Variants in TWIST2 observed in about 807,000 individuals in gnomAD.
TWIST2 encodes twist family bHLH transcription factor 2, also known as twist-related protein 2.
In TWIST2, 1 loss-of-function variant was observed where a neutral mutation model predicts 11.6. The observed-to-expected ratio is 0.09, with a 90% CI of 0.03 to 0.41. The LOEUF is 0.41. Ranked by LOEUF, TWIST2 falls within the 10% of genes least tolerant of loss-of-function variation. TWIST2 has a pLI of 0.98. For missense variants in TWIST2, 168 were observed against 226.4 expected (o/e 0.74, Z 1.66); for synonymous variants, 87 against 96.6 (o/e 0.90, Z 0.58).
In TWIST2 at chr2:238,863,991, A is replaced by G. The variant is rs1044119399; in HGVS notation, c.*35+15258A>G. Among the ~76,000 whole-genome samples, 1 of 152,116 alleles carries G rather than the reference A, an allele frequency of 6.6e-6. No individual in the cohort carries two copies. Among genetic ancestry groups the G allele is most frequent in the African/African-American group, 2.4e-5 (1 of 41,406 alleles). On this transcript the variant is annotated intron_variant, in intron 1 of 1. Transcript: ENST00000612363. This position sits in a 1 kb window ranked among gnomAD's most constrained non-coding sequence, Gnocchi z 4.7. ...GCACCTCCCCAGAGGCTGGAGACCA[A>G]CCAGGCACAGAATCTCTCATTTCCT...
At chr2:238,890,176 G>C (rs62191085) in intron 1 of TWIST2, among the ~76,000 whole-genome samples, 14,791 of 152,092 alleles carry the variant, frequency 0.097, 1,229 homozygotes, top group East Asian at 0.22. Flanking sequence ...TGGTCAGGGA[G>C]GTGGCAGCAC....
intron 1 of TWIST2, among the ~76,000 whole-genome samples, chr2:238,858,440 C>T (rs991509019): frequency 2.0e-5 from 3 of 152,166 alleles, no homozygotes; most frequent in African/African-American, 7.2e-5. Flanking sequence ...TAGGCAGAAA[C>T]CAAAGGCTGT....
intron 1 of TWIST2, among the ~76,000 whole-genome samples, chr2:238,893,946 G>A (rs1037375567): frequency 6.6e-6 from 1 of 152,030 alleles, no homozygotes. Context: ...CCTGGTGTCA[G>A]TTCTCCCCGG....
At chr2:238,849,184 G>A (rs1368768689) in intron 1 of TWIST2, among the ~76,000 whole-genome samples, 4 of 152,190 alleles carry the variant, frequency 2.6e-5, no homozygotes, top group Non-Finnish European at 4.4e-5. Context: ...GTTGCCGGGC[G>A]AATGGCTTCG....
chr2:238,897,360 C>G (rs989831371), intron 1 of TWIST2, among the ~76,000 whole-genome samples: 2,222 of 152,180 alleles, frequency 0.015, 21 homozygotes, highest in Non-Finnish European at 0.024. Flanking sequence ...GGGGGAGCCA[C>G]GGAGTTTGGC....
intron 1 of TWIST2, among the ~76,000 whole-genome samples, chr2:238,897,410 T>G (rs1693219412): frequency 6.6e-6 from 1 of 152,050 alleles, no homozygotes; most frequent in Non-Finnish European, 1.5e-5. Context: ...CACCTGCCTT[T>G]TTACCAAGTG....
chr2:238,905,930 TGCGCGTGTGTGTGCGC>T (rs1406034948), intron 1 of TWIST2, among the ~76,000 whole-genome samples: 16 of 140,372 alleles, frequency 1.1e-4, no homozygotes, highest in East Asian at 2.0e-4. Flanking sequence ...GGTGTGCGTG[TGCGCGTGTGTGTGCGC>T]GCGCGTGTGT....
chr2:238,873,443 G>T (rs1692746095), intron 1 of TWIST2, among the ~76,000 whole-genome samples: 1 of 152,192 alleles, frequency 6.6e-6, no homozygotes, highest in Admixed American at 6.5e-5. Context: ...GAGGGGTCCT[G>T]CCCAGGTTGA....
chr2:238,891,593 G>A (rs1041401765), intron 1 of TWIST2, among the ~76,000 whole-genome samples: 13 of 152,192 alleles, frequency 8.5e-5, no homozygotes, highest in African/African-American at 3.1e-4. Flanking sequence ...TAGGAGGCAT[G>A]TGAACAGGGG....
chr2:238,880,512 ATTAGTGTG>A (rs1692898192), intron 1 of TWIST2, among the ~76,000 whole-genome samples: 1 of 91,544 alleles, frequency 1.1e-5, no homozygotes, highest in African/African-American at 4.2e-5. Context: ...CAGCATTAGT[ATTAGTGTG>A]TTAGTATTGG....
In TWIST2 at chr2:238,864,958, C is replaced by T. The variant is rs1329770575; in HGVS notation, c.*35+16225C>T. On this transcript the variant is annotated intron_variant, in intron 1 of 1. Coordinates refer to ENST00000612363, the MANE Select transcript of TWIST2 (RefSeq NM_001271893.4). This position sits in a 1 kb window ranked among gnomAD's most constrained non-coding sequence, Gnocchi z 4.7. ...TGGAGGATGCATCTACTGCCAGGCTCGGTGGGCCTGGCCACCCGAGGGGCC... is the reference window on the plus strand; with the variant it reads ...TGGAGGATGCATCTACTGCCAGGCTTGGTGGGCCTGGCCACCCGAGGGGCC... Among the ~76,000 whole-genome samples the T allele has an allele frequency of 2.0e-5, 3 of 152,088 alleles. No individual in the cohort carries two copies. Among genetic ancestry groups the T allele is most frequent in the East Asian group, 3.9e-4 (2 of 5,162 alleles).
chr2:238,909,585 C>T (rs1269175309), intron 1 of TWIST2, among the ~76,000 whole-genome samples: 2 of 152,030 alleles, frequency 1.3e-5, no homozygotes, highest in Non-Finnish European at 2.9e-5. Context: ...AAAGGGCACT[C>T]GGGGGCAGGA....
At chr2:238,889,926 C>T (rs34004022) in intron 1 of TWIST2, among the ~76,000 whole-genome samples, 21,918 of 152,158 alleles carry the variant, frequency 0.14, 2,108 homozygotes, top group Non-Finnish European at 0.21. Flanking sequence ...CGAGGGTGCC[C>T]GGCTGGCTGG....
intron 1 of TWIST2, among the ~76,000 whole-genome samples, chr2:238,879,000 C>T (rs1332990308): frequency 1.3e-5 from 2 of 152,134 alleles, no homozygotes; most frequent in African/African-American, 2.4e-5. Context: ...AAAAGTGAGA[C>T]CATAGTTTAA....
In TWIST2 at chr2:238,862,313, A is replaced by G. The variant is rs1692449920; in HGVS notation, c.*35+13580A>G. The stretch of plus-strand genomic sequence containing the variant: ...AATCAAAAATTTTAGAAGAACCAGG[A>G]AGAAAATATTTACAATCTGTTTTGC... On this transcript the variant is annotated intron_variant, in intron 1 of 1. Coordinates refer to ENST00000612363, the MANE Select transcript of TWIST2 (RefSeq NM_001271893.4). Among the ~76,000 whole-genome samples the G allele has an allele frequency of 1.3e-5, 2 of 152,234 alleles. 1 individual carries two copies. The highest frequency in any genetic ancestry group is 4.1e-4 in the South Asian group (2 of 4,830).
intron 1 of TWIST2, among the ~76,000 whole-genome samples, chr2:238,900,209 C>T (rs1693252832): frequency 6.6e-6 from 1 of 152,134 alleles, no homozygotes; most frequent in Non-Finnish European, 1.5e-5. Flanking sequence ...AGTTTGGTAA[C>T]TTGGACAGCA....
chr2:238,872,230 C>T (rs1411306167), intron 1 of TWIST2, among the ~76,000 whole-genome samples: 3 of 152,158 alleles, frequency 2.0e-5, no homozygotes, highest in Non-Finnish European at 4.4e-5. Flanking sequence ...AGACTTGTTG[C>T]TCATTTAACC....
rs1229428285 is a variant in TWIST2, at chr2:238,867,370, AACACACACAC to A, written c.*35+18670_*35+18679del. Reference sequence around the variant, plus strand: ...CTGGGGAGTAAAATGTCCTGCCTTCAACACACACACACACACACACACACACACACACACA... The same window carrying A: ...CTGGGGAGTAAAATGTCCTGCCTTCAACACACACACACACACACACACACA... On this transcript the variant is annotated intron_variant, in intron 1 of 1. Transcript: ENST00000612363. The surrounding 1 kb of genome is among the most constrained non-coding windows in gnomAD (Gnocchi z 4.8). Among the ~76,000 whole-genome samples, 49 of 119,738 alleles carry A rather than the reference AACACACACAC, an allele frequency of 4.1e-4. No individual in the cohort carries two copies. Among genetic ancestry groups the A allele is most frequent in the South Asian group, 9.3e-4 (3 of 3,222 alleles). The allele number at this position is 119,738 out of a possible 152,430, so 78.6% of individuals were successfully genotyped here. A position where few individuals can be genotyped will look rare whatever the true frequency, so the allele number is the denominator to read the frequency against.
chr2:238,859,800 T>C (rs149600429), intron 1 of TWIST2, among the ~76,000 whole-genome samples: 140,441 of 152,240 alleles, frequency 0.92, 64,923 homozygotes, highest in African/African-American at 0.98. Flanking sequence ...CACACATGCA[T>C]GCACGCACAC....
Sources: gnomAD v4.1 joint callset for allele counts (sites outside exome capture counted in the v4.1 genomes callset) on GRCh38, gnomAD v4.1.1 for gene constraint, Gnocchi (gnomAD v3.1) non-coding constraint, MANE v1.5 for transcripts, NCBI Gene and HGNC (gene_info 2026-07-23, HGNC 2026-07-21) for gene names.